STX2: variants seen among roughly 807,000 people sequenced by gnomAD.
STX2 encodes the protein syntaxin 2.
Under a neutral mutation model 40.6 loss-of-function variants are expected in STX2, and 27 were observed. The observed-to-expected ratio is 0.66, with a 90% CI of 0.49 to 0.92. The LOEUF (loss-of-function observed/expected upper bound fraction) is 0.92, where lower values mean the gene tolerates loss of function less well. STX2 is among the 40% of genes least tolerant of loss of function. The pLI, the probability that STX2 is intolerant of heterozygous loss-of-function variation, is 0.00. For missense variants in STX2, 328 were observed against 366.1 expected (o/e 0.90, Z 0.85); for synonymous variants, 123 against 119.1 (o/e 1.03, Z -0.22).
chr12:130,798,689 T>C, intron 8 of STX2, 54 bp from the exon 9 acceptor site: 2 of 1,361,350 alleles, frequency 1.5e-6, no homozygotes, highest in Non-Finnish European at 2.0e-6. Context: ...CTTAATCATG[T>C]ATCTTTAAGA....
At position 130,831,484 on chromosome 12, in the gene STX2, G is replaced by A. The variant is rs114211236; in HGVS notation, c.31-4217C>T. Among the ~76,000 whole-genome samples the A allele has an allele frequency of 9.0e-3, 1,364 of 152,264 alleles. 18 individuals carry two copies. The highest frequency in any genetic ancestry group is 0.031 in the African/African-American group (1,302 of 41,542). On this transcript the variant is annotated intron_variant, in intron 1 of 10. Transcript: ENST00000392373. ...GTTTGAGACCAGCCTGGGCAACATGGTGATACCCCATTTTTGGTACAAAAA... is the reference window on the plus strand; with the variant it reads ...GTTTGAGACCAGCCTGGGCAACATGATGATACCCCATTTTTGGTACAAAAA...
intron 2 of STX2, among the ~76,000 whole-genome samples, chr12:130,823,156 AAG>A (rs1363654516): frequency 6.6e-6 from 1 of 152,262 alleles, no homozygotes; most frequent in East Asian, 1.9e-4. Flanking sequence ...TTTAAAAAAA[AAG>A]AAAATTAGCC....
chr12:130,837,262 G>C, intron 1 of STX2, among the ~76,000 whole-genome samples: 1 of 152,070 alleles, frequency 6.6e-6, no homozygotes, highest in Admixed American at 6.6e-5. Flanking sequence ...ACAGGTGCGA[G>C]TCACACCTGG....
chr12:130,834,897 A>G lies in STX2; in HGVS notation c.30+4173T>C, dbSNP rs1330550588. On this transcript the variant is annotated intron_variant, in intron 1 of 10. Transcript: ENST00000392373. ...TCTTATTTTATGAATTGGAACCTGC[A>G]TCTTCACTATACAACATTCTGCACT... Among the ~76,000 whole-genome samples, 83 of 152,260 alleles carry G rather than the reference A, an allele frequency of 5.5e-4. 1 individual carries two copies. Among genetic ancestry groups the G allele is most frequent in the Admixed American group, 5.4e-3 (83 of 15,292 alleles).
intron 4 of STX2, among the ~76,000 whole-genome samples, chr12:130,808,990 C>A (rs964309425): frequency 6.6e-6 from 1 of 152,198 alleles, no homozygotes; most frequent in African/African-American, 2.4e-5. Flanking sequence ...CCGCAGCCTC[C>A]CGAGTAGCTG....
chr12:130,800,212 TG>T (rs1951173171), intron 8 of STX2, among the ~76,000 whole-genome samples: 3 of 152,006 alleles, frequency 2.0e-5, no homozygotes, highest in Non-Finnish European at 2.9e-5. Flanking sequence ...AACATACCCA[TG>T]CACATCACAG....
intron 6 of STX2, among the ~76,000 whole-genome samples, chr12:130,805,256 A>T (rs1951387832): frequency 1.3e-5 from 2 of 152,198 alleles, no homozygotes; most frequent in African/African-American, 4.8e-5. Flanking sequence ...ACTTGAAATA[A>T]CCACAAACCC....
At chr12:130,807,453 C>T (rs1478956175) in intron 5 of STX2, among the ~76,000 whole-genome samples, 1 of 150,518 alleles carries the variant, frequency 6.6e-6, no homozygotes, top group Non-Finnish European at 1.5e-5. Flanking sequence ...GGGACCCAGG[C>T]AAGCGGACCC....
At chr12:130,825,977 CAGCAGGGCCTAAGCCCAAG>C (rs1194620072) in intron 2 of STX2, among the ~76,000 whole-genome samples, 1 of 152,202 alleles carries the variant, frequency 6.6e-6, no homozygotes, top group Non-Finnish European at 1.5e-5. Flanking sequence ...TTGAGAATTT[CAGCAGGGCCTAAGCCCAAG>C]AGCTGAGCTG....
In STX2 at chr12:130,813,881, G is replaced by C. The variant is rs528244770; in HGVS notation, c.206-850C>G. ...TCTCTGGAGTCCTGTTGTCGTTTTA[G>C]AGAGTCCTGCACTTGCCTCTCTCAC... On this transcript the variant is annotated intron_variant, in intron 3 of 10. Transcript: ENST00000392373. Among the ~76,000 whole-genome samples, 4 of 152,340 alleles carry C rather than the reference G, an allele frequency of 2.6e-5. No homozygotes were observed. The South Asian group carries it at 8.3e-4, about 32-fold the overall frequency.
intron 1 of STX2, 58 bp downstream of exon 1, chr12:130,839,012 C>A: frequency 7.6e-7 from 1 of 1,312,256 alleles, no homozygotes; most frequent in Admixed American, 3.8e-5. Flanking sequence ...GAGCCCCCGC[C>A]CGCCCTCCAG....
At chr12:130,792,863 G>A (rs1383101836) in intron 10 of STX2, among the ~76,000 whole-genome samples, 2 of 152,256 alleles carry the variant, frequency 1.3e-5, no homozygotes, top group East Asian at 1.9e-4. Flanking sequence ...AGCAGGGTGC[G>A]ACACAGCATT....
chr12:130,811,917 C>CA (rs1197753284), intron 4 of STX2, among the ~76,000 whole-genome samples: 2 of 152,060 alleles, frequency 1.3e-5, no homozygotes, highest in East Asian at 1.9e-4. Flanking sequence ...TAAAAACCCA[C>CA]AAAAAACACC....
chr12:130,829,828 TGGAGGGGGTGGGGA>T (rs1273133139), intron 1 of STX2, among the ~76,000 whole-genome samples: 1 of 151,332 alleles, frequency 6.6e-6, no homozygotes, highest in Non-Finnish European at 1.5e-5. Flanking sequence ...CAAATACCCA[TGGAGGGGGTGGGGA>T]GGAGGGGTGG....
chr12:130,830,904 C>T (rs749752626), intron 1 of STX2, among the ~76,000 whole-genome samples: 10 of 152,202 alleles, frequency 6.6e-5, no homozygotes, highest in Non-Finnish European at 1.0e-4. Flanking sequence ...ATATGACATA[C>T]TTGATTTCCC....
At chr12:130,837,106 CTTTTT>C (rs71951784) in intron 1 of STX2, among the ~76,000 whole-genome samples, 2 of 139,832 alleles carry the variant, frequency 1.4e-5, no homozygotes, top group Admixed American at 1.5e-4. Flanking sequence ...TGACATTGAG[CTTTTT>C]TTTTTTTTTT....
intron 6 of STX2, among the ~76,000 whole-genome samples, chr12:130,801,867 C>T (rs375098382): frequency 6.6e-6 from 1 of 152,134 alleles, no homozygotes; most frequent in Non-Finnish European, 1.5e-5. Context: ...ATAAAGTCCA[C>T]GTAATGAGAG....
At chr12:130,822,026 T>C (rs959711890) in intron 2 of STX2, among the ~76,000 whole-genome samples, 2 of 152,084 alleles carry the variant, frequency 1.3e-5, no homozygotes, top group African/African-American at 4.8e-5. Context: ...ACCTATCAGG[T>C]TGTAAAAATT....
At chr12:130,795,255 G>A (rs768233300) in intron 10 of STX2, among the ~76,000 whole-genome samples, 5 of 152,094 alleles carry the variant, frequency 3.3e-5, no homozygotes, top group East Asian at 1.9e-4. Context: ...TTTTCTCAGC[G>A]TTCATCCATG....
Sources: allele counts gnomAD v4.1 joint callset (sites outside exome capture counted in the v4.1 genomes callset), GRCh38; gene constraint gnomAD v4.1.1; transcripts MANE v1.5; gene names NCBI Gene and HGNC (gene_info 2026-07-23, HGNC 2026-07-21).